SCAPER: variants seen among roughly 807,000 people sequenced by gnomAD.
The protein encoded by SCAPER is S-phase cyclin A associated protein in the ER.
SCAPER carries 98 observed loss-of-function variants against 182.2 expected under a neutral mutation model. That is an observed-to-expected ratio of 0.54 (90% CI 0.46 to 0.64). SCAPER has a LOEUF of 0.64. Among genes scored for constraint, SCAPER ranks in the 30% least tolerant of loss-of-function variants. The pLI, the probability that SCAPER is intolerant of heterozygous loss-of-function variation, is 0.00. For synonymous variants in SCAPER, 605 were observed against 564.6 expected (o/e 1.07, Z -1.01); for missense variants, 1,432 against 1,690.0 (o/e 0.85, Z 2.68).
chr15:76,821,399 AC>A (rs2067528870), intron 5 of SCAPER, among the ~76,000 whole-genome samples: 1 of 152,084 alleles, frequency 6.6e-6, no homozygotes, highest in African/African-American at 2.4e-5. Flanking sequence ...CCGAGAAATC[AC>A]TTGAGCGCAG....
chr15:76,489,094 G>A (rs2052009694), intron 24 of SCAPER, among the ~76,000 whole-genome samples: 1 of 149,770 alleles, frequency 6.7e-6, no homozygotes, highest in Admixed American at 6.6e-5. Context: ...CTTTTTGAGA[G>A]TATTAAAAAT....
intron 1 of SCAPER, among the ~76,000 whole-genome samples, chr15:76,900,608 A>T (rs1225625661): frequency 6.6e-6 from 1 of 152,170 alleles, no homozygotes. Context: ...CACTTGTCTT[A>T]TTCTGCCCTG....
Position 76,589,029 on chromosome 15 carries a change from C to T in SCAPER, c.2712-14745G>A, listed in dbSNP as rs2048904580. Among the ~76,000 whole-genome samples, 3 of 152,178 alleles carry T rather than the reference C, an allele frequency of 2.0e-5. No individual in the cohort carries two copies. In the South Asian group the frequency reaches 6.2e-4, roughly 32 times the overall value. On this transcript the variant is annotated intron_variant, in intron 22 of 31. Coordinates refer to ENST00000563290, the MANE Select transcript of SCAPER (RefSeq NM_020843.4). ...TTCTCTTCTGGATCTAGCCACACAG[C>T]AGGACTACCAGGCTCCAGGCTGGTA...
At chr15:76,531,787 A>G (rs114209481) in intron 23 of SCAPER, among the ~76,000 whole-genome samples, 1 of 152,142 alleles carries the variant, frequency 6.6e-6, no homozygotes. Context: ...TGAGCATCCT[A>G]TGGAGAGTTA....
chr15:76,894,675 T>A (rs2074332969), intron 1 of SCAPER, among the ~76,000 whole-genome samples: 1 of 151,686 alleles, frequency 6.6e-6, no homozygotes, highest in Admixed American at 6.6e-5. Context: ...AAAAGAAGAC[T>A]CAAACAAAAT....
chr15:76,770,995 C>T, intron 10 of SCAPER, among the ~76,000 whole-genome samples: 1 of 151,864 alleles, frequency 6.6e-6, no homozygotes, highest in South Asian at 2.1e-4. Flanking sequence ...ATAATTTTAC[C>T]TAATACCATG....
At chr15:76,822,829 A>G (rs1371076610) in intron 5 of SCAPER, among the ~76,000 whole-genome samples, 1 of 152,200 alleles carries the variant, frequency 6.6e-6, no homozygotes, top group Non-Finnish European at 1.5e-5. Context: ...TCCACTCCTC[A>G]GGAAGAAGAA....
chr15:76,607,572 A>G (rs2145881676), intron 22 of SCAPER, among the ~76,000 whole-genome samples: 1 of 152,304 alleles, frequency 6.6e-6, no homozygotes, highest in Middle Eastern at 3.4e-3. Flanking sequence ...CTGCCTTGCT[A>G]GATTGGGGAA....
intron 29 of SCAPER, among the ~76,000 whole-genome samples, chr15:76,375,162 G>C (rs1435603006): frequency 7.6e-6 from 1 of 130,780 alleles, no homozygotes; most frequent in African/African-American, 2.9e-5. Context: ...AGGCTGCAGT[G>C]AGCCATGATC....
At chr15:76,450,747 G>A (rs1179367528) in intron 25 of SCAPER, among the ~76,000 whole-genome samples, 5 of 152,074 alleles carry the variant, frequency 3.3e-5, no homozygotes, top group African/African-American at 1.2e-4. Flanking sequence ...TAGAGATAGG[G>A]TTTTGTCATA....
At chr15:76,898,195 C>G (rs73457158) in intron 1 of SCAPER, among the ~76,000 whole-genome samples, 14,165 of 152,140 alleles carry the variant, frequency 0.093, 819 homozygotes, top group African/African-American at 0.16. Flanking sequence ...ATATCAAAGC[C>G]ACAATGAGAC....
intron 1 of SCAPER, among the ~76,000 whole-genome samples, chr15:76,903,036 G>A (rs1270532751): frequency 6.7e-6 from 1 of 148,948 alleles, no homozygotes. Flanking sequence ...ACTCCAGCCT[G>A]GGTGACAGAG....
intron 20 of SCAPER, among the ~76,000 whole-genome samples, chr15:76,695,178 C>A (rs2058585555): frequency 6.6e-6 from 1 of 152,172 alleles, no homozygotes; most frequent in Non-Finnish European, 1.5e-5. Flanking sequence ...TCACTTTGCA[C>A]TCCGAATTTT....
At chr15:76,668,736 CTT>C (rs1355903117) in intron 20 of SCAPER, among the ~76,000 whole-genome samples, 1 of 152,134 alleles carries the variant, frequency 6.6e-6, no homozygotes, top group Non-Finnish European at 1.5e-5. Context: ...AGGGCAATGA[CTT>C]TGTCTGTTTT....
At chr15:76,528,659 CA>C (rs1308110868) in intron 23 of SCAPER, among the ~76,000 whole-genome samples, 1 of 152,168 alleles carries the variant, frequency 6.6e-6, no homozygotes, top group African/African-American at 2.4e-5. Flanking sequence ...CTTGAATATC[CA>C]AAATAGCTTA....
chr15:76,402,833 A>G (rs530425649), intron 27 of SCAPER, among the ~76,000 whole-genome samples: 4 of 152,218 alleles, frequency 2.6e-5, no homozygotes, highest in Middle Eastern at 3.4e-3. Context: ...TAGAAATCTC[A>G]GGACCTCATT....
chr15:76,568,394 C>T (rs2047198044), intron 23 of SCAPER, among the ~76,000 whole-genome samples: 1 of 151,970 alleles, frequency 6.6e-6, no homozygotes, highest in East Asian at 1.9e-4. Context: ...CTCTCTGTGT[C>T]GCCCAGGCTG....
intron 21 of SCAPER, among the ~76,000 whole-genome samples, chr15:76,622,979 C>T (rs914350679): frequency 6.6e-6 from 1 of 152,080 alleles, no homozygotes; most frequent in Admixed American, 6.6e-5. Context: ...CATGTGACAT[C>T]CAGTTGTTTA....
intron 2 of SCAPER, among the ~76,000 whole-genome samples, chr15:76,868,103 T>C (rs2072424183): frequency 6.6e-6 from 1 of 152,120 alleles, no homozygotes; most frequent in Non-Finnish European, 1.5e-5. Context: ...TACACTGAAC[T>C]ATTAAGTGAA....
Sources: allele counts gnomAD v4.1 joint callset (sites outside exome capture counted in the v4.1 genomes callset), GRCh38; gene constraint gnomAD v4.1.1; transcripts MANE v1.5; gene names NCBI Gene and HGNC (gene_info 2026-07-23, HGNC 2026-07-21).